Variants in GTF2A1L observed in about 807,000 individuals in gnomAD.
GTF2A1L encodes general transcription factor IIA subunit 1 like, also known as TFIIA-alpha and beta-like factor.
A neutral mutation model predicts 49.7 loss-of-function variants in GTF2A1L; 48 were observed. The ratio of observed to expected loss-of-function variants is 0.97; its 90% CI spans 0.77 to 1.23. The LOEUF is 1.23. GTF2A1L is among the 50% of genes most tolerant of loss of function. GTF2A1L has a pLI of 0.00. For missense variants in GTF2A1L, 736 were observed against 564.8 expected, an observed-to-expected ratio of 1.30 and a Z score of -3.07; for synonymous variants, 246 against 193.5, an observed-to-expected ratio of 1.27 and a Z score of -2.25.
rs1057479611 is a variant in GTF2A1L at position 48,624,220 on chromosome 2, C to G, written c.247+2930C>G. On this transcript the variant is annotated intron_variant, in intron 3 of 8. Coordinates refer to ENST00000403751, the MANE Select transcript of GTF2A1L (RefSeq NM_006872.5). The stretch of plus-strand genomic sequence containing the variant: ...AATGTGGGTTGTAAGTATCTATTTA[C>G]TATGTTGGAAATTAAAACAAAAATT... Among the ~76,000 whole-genome samples the G allele has an allele frequency of 8.4e-5, 12 of 143,440 alleles. 3 individuals are homozygous for G. 94.1% of individuals were successfully genotyped at this position (143,440 alleles called of 152,430 possible). A position where few individuals can be genotyped will look rare whatever the true frequency, so the allele number is the denominator to read the frequency against.
At chr2:48,653,177 C>G (rs1366596866) in intron 6 of GTF2A1L, among the ~76,000 whole-genome samples, 1 of 145,408 alleles carries the variant, frequency 6.9e-6, no homozygotes, top group African/African-American at 2.6e-5. Flanking sequence ...CCCGAGATTG[C>G]GCCACTGCAC....
intron 1 of GTF2A1L, among the ~76,000 whole-genome samples, chr2:48,619,722 G>A (rs1454841915): frequency 1.3e-5 from 2 of 152,146 alleles, no homozygotes; most frequent in Non-Finnish European, 2.9e-5. Context: ...TCAGCACATA[G>A]CATTGCCATT....
At chr2:48,656,369 T>G (rs1389227462) in intron 6 of GTF2A1L, among the ~76,000 whole-genome samples, 9 of 150,228 alleles carry the variant, frequency 6.0e-5, no homozygotes, top group East Asian at 3.9e-4. Flanking sequence ...TTTTTTTTTT[T>G]TTTTTTTTAA....
At chr2:48,665,687 T>G (rs746821677) in intron 6 of GTF2A1L, among the ~76,000 whole-genome samples, 1 of 152,106 alleles carries the variant, frequency 6.6e-6, no homozygotes, top group Non-Finnish European at 1.5e-5. Flanking sequence ...AGAATATACT[T>G]TATATATTTT....
chr2:48,641,673 T>C (rs1282172048), intron 3 of GTF2A1L, among the ~76,000 whole-genome samples: 5 of 152,196 alleles, frequency 3.3e-5, no homozygotes, highest in African/African-American at 4.8e-5. Flanking sequence ...TATTATTTTT[T>C]CTTTATGCTT....
intron 3 of GTF2A1L, 150 bp downstream of exon 3, chr2:48,621,440 T>TG: frequency 9.8e-7 from 1 of 1,016,472 alleles, no homozygotes; most frequent in East Asian, 3.0e-5. Context: ...GTATAAATCA[T>TG]TGCCCCATGT....
At chr2:48,664,148 C>T (rs11677854) in intron 6 of GTF2A1L, among the ~76,000 whole-genome samples, 26,066 of 151,738 alleles carry the variant, frequency 0.17, 2,615 homozygotes, top group South Asian at 0.24. Flanking sequence ...ATTGCACTGA[C>T]TAGGACTTCC....
At chr2:48,650,717 A>ATATC (rs1171429839) in intron 6 of GTF2A1L, among the ~76,000 whole-genome samples, 1 of 152,164 alleles carries the variant, frequency 6.6e-6, no homozygotes, top group Non-Finnish European at 1.5e-5. Flanking sequence ...ATAATTTTTT[A>ATATC]TATCTGTCAA....
At chr2:48,675,277 A>G (rs2104322220) in intron 8 of GTF2A1L, among the ~76,000 whole-genome samples, 1 of 152,280 alleles carries the variant, frequency 6.6e-6, no homozygotes, top group East Asian at 1.9e-4. Context: ...ACAAATGCAG[A>G]ATCCTGAGTC....
intron 3 of GTF2A1L, among the ~76,000 whole-genome samples, chr2:48,638,271 C>A (rs1271957117): frequency 1.3e-5 from 2 of 152,064 alleles, no homozygotes; most frequent in African/African-American, 4.8e-5. Flanking sequence ...GGGAGAGACA[C>A]AACAAAGAAA....
rs2104199457 is a variant in GTF2A1L, at chr2:48,646,456, A to T, written c.392A>T (p.His131Leu). 1 of 1,573,780 alleles carries T rather than the reference A, an allele frequency of 6.4e-7. No homozygotes were observed. The highest frequency in any genetic ancestry group is 2.3e-5 in the East Asian group (1 of 44,362). Residue 131 changes from histidine (H) to leucine (L), a missense_variant, in exon 6 of 9, where the codon CAC (histidine) becomes CTC (leucine). Physicochemically the swap from His to Leu is moderately conservative, Grantham distance 99. Coordinates refer to ENST00000403751, the MANE Select transcript of GTF2A1L (RefSeq NM_006872.5). The stretch of plus-strand genomic sequence containing the variant: ...ATTTTGCTTTCTCCTTTTTAAGGTC[A>T]CCTTTATAAAGTCAATGTACCAATT... ...AGVTLQTVSG[H>L]LYKVNVPIMV...
chr2:48,651,436 CTT>C (rs397984530), intron 6 of GTF2A1L, among the ~76,000 whole-genome samples: 121 of 130,810 alleles, frequency 9.3e-4, no homozygotes, highest in Admixed American at 1.2e-3. Flanking sequence ...GTTGTGAGTT[CTT>C]TTTTTTTTTT....
chr2:48,676,693 T>G (rs1376799981), intron 8 of GTF2A1L, among the ~76,000 whole-genome samples: 1 of 151,730 alleles, frequency 6.6e-6, no homozygotes, highest in Non-Finnish European at 1.5e-5. Flanking sequence ...AGATTTTGGA[T>G]CTGTCAATCT....
intron 3 of GTF2A1L, among the ~76,000 whole-genome samples, chr2:48,621,746 A>G (rs560128145): frequency 6.6e-6 from 1 of 152,324 alleles, no homozygotes; most frequent in South Asian, 2.1e-4. Flanking sequence ...TATTCAGGCT[A>G]CCTCACTGTT....
intron 3 of GTF2A1L, among the ~76,000 whole-genome samples, chr2:48,634,573 C>G (rs1676779306): frequency 2.0e-5 from 3 of 152,172 alleles, no homozygotes; most frequent in Non-Finnish European, 2.9e-5. Flanking sequence ...TTAAGGAGCT[C>G]TTGTAATGGT....
intron 8 of GTF2A1L, among the ~76,000 whole-genome samples, chr2:48,677,587 A>G (rs556183476): frequency 6.6e-6 from 1 of 152,124 alleles, no homozygotes; most frequent in Non-Finnish European, 1.5e-5. Flanking sequence ...AGTTTCGACA[A>G]GAGAAATGAC....
At chr2:48,633,554 C>G (rs1023755121) in intron 3 of GTF2A1L, among the ~76,000 whole-genome samples, 4 of 152,102 alleles carry the variant, frequency 2.6e-5, no homozygotes, top group African/African-American at 9.7e-5. Flanking sequence ...TGCTTTATGG[C>G]TGAGCATACG....
In GTF2A1L at chr2:48,637,565, T is replaced by A. The variant is rs868365624; in HGVS notation, c.248-4837T>A. ...GAACGTAACATCACAATTGAAAGAATCAGAGAAGCAAGAACACTTCAGCCC... is the reference window on the plus strand; with the variant it reads ...GAACGTAACATCACAATTGAAAGAAACAGAGAAGCAAGAACACTTCAGCCC... On this transcript the variant is annotated intron_variant, in intron 3 of 8. Transcript: ENST00000403751. Among the ~76,000 whole-genome samples the A allele has an allele frequency of 7.4e-3, 1,125 of 151,952 alleles. 24 individuals carry two copies. The highest frequency in any genetic ancestry group is 0.025 in the African/African-American group (1,021 of 41,426).
intron 6 of GTF2A1L, among the ~76,000 whole-genome samples, chr2:48,663,740 A>C (rs1678651538): frequency 6.6e-6 from 1 of 152,104 alleles, no homozygotes; most frequent in Non-Finnish European, 1.5e-5. Context: ...CCCAGGCTCA[A>C]GTGATTCTCC....
Sources: allele counts gnomAD v4.1 joint callset (sites outside exome capture counted in the v4.1 genomes callset), GRCh38; gene constraint gnomAD v4.1.1; transcripts MANE v1.5; gene names NCBI Gene and HGNC (gene_info 2026-07-23, HGNC 2026-07-21).